DACH2: variants seen among roughly 807,000 people sequenced by gnomAD.
The protein encoded by DACH2 is dachshund homolog 2.
In DACH2, 17 loss-of-function variants were observed where a neutral mutation model predicts 35.8. The ratio of observed to expected loss-of-function variants is 0.48; its 90% CI spans 0.33 to 0.71. DACH2 has a LOEUF of 0.71. DACH2 is among the 30% of genes least tolerant of loss of function. The probability of loss-of-function intolerance (pLI) is 0.02; values close to 1 mark genes in which losing one functional copy is unlikely to be tolerated. For missense variants in DACH2, 469 were observed against 472.7 expected (o/e 0.99, Z 0.07); for synonymous variants, 195 against 177.3 (o/e 1.10, Z -0.79).
intron 1 of DACH2, among the ~76,000 whole-genome samples, chrX:86,197,870 C>A (rs756699376): frequency 8.9e-6 from 1 of 111,746 alleles, no homozygotes; most frequent in South Asian, 3.7e-4. Flanking sequence ...AGAAAATTAA[C>A]AAAGATATTC....
intron 1 of DACH2, among the ~76,000 whole-genome samples, chrX:86,264,170 C>G (rs1476841966): frequency 2.7e-5 from 3 of 111,786 alleles, no homozygotes; most frequent in Admixed American, 1.9e-4. Context: ...ACTTGCAAAA[C>G]TGGATTCATC....
chrX:86,689,987 T>G (rs905133188), intron 4 of DACH2, among the ~76,000 whole-genome samples: 1 of 111,730 alleles, frequency 9.0e-6, no homozygotes, highest in Non-Finnish European at 1.9e-5. Context: ...ACAATTCTAG[T>G]AGTCTTAGAA....
intron 7 of DACH2, among the ~76,000 whole-genome samples, chrX:86,760,554 A>T (rs1280031007): frequency 2.7e-5 from 3 of 111,398 alleles, no homozygotes; most frequent in African/African-American, 9.8e-5. Context: ...TTACTGTTAG[A>T]TTTTTTAATC....
chrX:86,436,411 A>G (rs1228280018), intron 2 of DACH2, among the ~76,000 whole-genome samples: 2 of 110,113 alleles, frequency 1.8e-5, no homozygotes, highest in Non-Finnish European at 3.8e-5. Flanking sequence ...TACATCAAAC[A>G]CAGATATGAA....
At chrX:86,255,544 T>C (rs1444652937) in intron 1 of DACH2, among the ~76,000 whole-genome samples, 1 of 111,356 alleles carries the variant, frequency 9.0e-6, no homozygotes, top group African/African-American at 3.3e-5. Context: ...CTAGGCGATA[T>C]TAGGCAAGAT....
chrX:86,585,524 T>C (rs918249395), intron 3 of DACH2, among the ~76,000 whole-genome samples: 1 of 110,546 alleles, frequency 9.0e-6, no homozygotes, highest in African/African-American at 3.3e-5. Context: ...ACCCTATAGG[T>C]ATATTTTCTG....
At chrX:86,240,519 A>T (rs1247549508) in intron 1 of DACH2, among the ~76,000 whole-genome samples, 1 of 108,043 alleles carries the variant, frequency 9.3e-6, no homozygotes, top group Non-Finnish European at 1.9e-5. Context: ...CCCAGTCTGG[A>T]GTGCAGTGGT....
intron 3 of DACH2, among the ~76,000 whole-genome samples, chrX:86,527,725 C>T (rs2038654476): frequency 9.0e-6 from 1 of 111,509 alleles, no homozygotes; most frequent in African/African-American, 3.3e-5. Context: ...AATGGAATTG[C>T]TGGGTTGTAT....
intron 1 of DACH2, among the ~76,000 whole-genome samples, chrX:86,348,804 T>G (rs1387898337): frequency 8.9e-6 from 1 of 112,596 alleles, no homozygotes; most frequent in African/African-American, 3.2e-5. Flanking sequence ...GAAAGTTCCC[T>G]TGTTCCCCTC....
At chrX:86,208,975 A>T (rs180686269) in intron 1 of DACH2, among the ~76,000 whole-genome samples, 1 of 111,529 alleles carries the variant, frequency 9.0e-6, no homozygotes, top group African/African-American at 3.3e-5. Context: ...GATCATGTCT[A>T]CTGTTCATGA....
At chrX:86,530,189 A>T (rs1602613705) in intron 3 of DACH2, among the ~76,000 whole-genome samples, 1 of 112,254 alleles carries the variant, frequency 8.9e-6, no homozygotes, top group East Asian at 2.8e-4. Context: ...TAATTTAAAA[A>T]AACATGAAAT....
At chrX:86,723,314 G>A (rs190463741) in intron 6 of DACH2, among the ~76,000 whole-genome samples, 163 of 97,648 alleles carry the variant, frequency 1.7e-3, no homozygotes, top group African/African-American at 5.6e-3. Context: ...GTTCTGCTCC[G>A]ATATTTATTC....
At chrX:86,379,704 G>GA (rs1255523103) in intron 2 of DACH2, among the ~76,000 whole-genome samples, 2 of 110,632 alleles carry the variant, frequency 1.8e-5, no homozygotes, top group Non-Finnish European at 3.8e-5. Flanking sequence ...AAATAAACTA[G>GA]AAAAAAATCT....
In DACH2 at chrX:86,724,529, T is replaced by C. The variant is rs940673971; in HGVS notation, c.1104+9809T>C. ...CTTTGAAAATGTCATACAATTCTCT[T>C]CTGGCCTGTAACATTTCAGCTGAGA... On this transcript the variant is annotated intron_variant, in intron 6 of 11. Coordinates refer to ENST00000373125, the MANE Select transcript of DACH2 (RefSeq NM_053281.3). 3.6e-5 allele frequency among the ~76,000 whole-genome samples: 4 copies of C among 111,949 alleles called. No homozygotes were observed. The East Asian group carries it at 8.4e-4, about 24-fold the overall frequency.
chrX:86,685,919 G>C (rs1014455382), intron 4 of DACH2, among the ~76,000 whole-genome samples: 2 of 111,317 alleles, frequency 1.8e-5, no homozygotes, highest in African/African-American at 6.5e-5. Flanking sequence ...ATGAGATTTG[G>C]GTGGGGACAA....
intron 10 of DACH2, 40 bp from the exon 11 acceptor site, chrX:86,815,994 C>T: frequency 2.9e-6 from 3 of 1,048,620 alleles, no homozygotes; most frequent in Non-Finnish European, 3.9e-6. Flanking sequence ...AATCAGGAAC[C>T]ACCTAATTGT....
At chrX:86,313,073 A>C (rs1196483483) in intron 1 of DACH2, among the ~76,000 whole-genome samples, 3 of 111,592 alleles carry the variant, frequency 2.7e-5, no homozygotes, top group Non-Finnish European at 5.6e-5. Context: ...AAATGTTATC[A>C]TAACATTGAA....
At chrX:86,429,009 G>A (rs2036939404) in intron 2 of DACH2, among the ~76,000 whole-genome samples, 1 of 111,166 alleles carries the variant, frequency 9.0e-6, no homozygotes, top group Non-Finnish European at 1.9e-5. Flanking sequence ...AGCCCAGCAT[G>A]TAGCTATAGG....
At chrX:86,176,344 A>G (rs2031301854) in intron 1 of DACH2, among the ~76,000 whole-genome samples, 1 of 110,900 alleles carries the variant, frequency 9.0e-6, no homozygotes, top group South Asian at 3.8e-4. Context: ...AATTAAGAAT[A>G]TGGAAGAGTT....
Sources: allele counts gnomAD v4.1 joint callset (sites outside exome capture counted in the v4.1 genomes callset), GRCh38; gene constraint gnomAD v4.1.1; transcripts MANE v1.5; gene names NCBI Gene and HGNC (gene_info 2026-07-23, HGNC 2026-07-21).